GHR: variants seen among roughly 807,000 people sequenced by gnomAD.
GHR encodes growth hormone receptor, also known as GH receptor.
Under a neutral mutation model 67.1 loss-of-function variants are expected in GHR, and 35 were observed. The observed-to-expected ratio is 0.52, with a 90% CI of 0.40 to 0.69. The LOEUF (loss-of-function observed/expected upper bound fraction) is 0.69. GHR is among the 30% of genes least tolerant of loss of function. GHR has a pLI of 0.00. For synonymous variants in GHR, 272 were observed against 269.1 expected (o/e 1.01, Z -0.10); for missense variants, 792 against 764.6 (o/e 1.04, Z -0.42).
At chr5:42,644,078 T>A (rs976795231) in intron 3 of GHR, among the ~76,000 whole-genome samples, 1 of 151,986 alleles carries the variant, frequency 6.6e-6, no homozygotes, top group Non-Finnish European at 1.5e-5. Context: ...CAAACTCTAA[T>A]GACATAATAG....
chr5:42,619,665 A>G (rs1316236411), intron 2 of GHR: 1 of 152,108 alleles, frequency 6.6e-6, no homozygotes, highest in African/African-American at 2.4e-5. Context: ...TGAAATACCT[A>G]CTTCCAAGAG....
intron 3 of GHR, among the ~76,000 whole-genome samples, chr5:42,683,646 A>C (rs1412982406): frequency 7.0e-6 from 1 of 142,754 alleles, no homozygotes; most frequent in African/African-American, 2.4e-5. Context: ...AAATTTAAAA[A>C]AGCCGGAAAG....
intron 1 of GHR, among the ~76,000 whole-genome samples, chr5:42,453,579 G>A (rs1289991245): frequency 6.6e-6 from 1 of 152,176 alleles, no homozygotes; most frequent in African/African-American, 2.4e-5. Context: ...TCCTGTCCTA[G>A]CATTTCAGCT....
At chr5:42,516,730 A>C (rs1747254366) in intron 1 of GHR, among the ~76,000 whole-genome samples, 2 of 152,134 alleles carry the variant, frequency 1.3e-5, no homozygotes, top group African/African-American at 4.8e-5. Flanking sequence ...GGCTTTGGAG[A>C]GCCTTGGAGC....
chr5:42,719,101 A>G lies in GHR; in HGVS notation c.1594A>G (p.Asn532Asp), dbSNP rs1335137005. 2 of 1,614,086 alleles carry G rather than the reference A, an allele frequency of 1.2e-6. No homozygotes were observed. Among genetic ancestry groups the G allele is most frequent in the Non-Finnish European group, 1.7e-6 (2 of 1,179,936 alleles). Reference protein sequence around the residue: ...SLCQENFLMDNAYFCEADAKK... With the variant: ...SLCQENFLMDDAYFCEADAKK... Reference sequence around the variant, plus strand: ...CTGCCAAGAAAACTTCCTTATGGACAATGCCTACTTCTGTGAGGCAGATGC... The same window carrying G: ...CTGCCAAGAAAACTTCCTTATGGACGATGCCTACTTCTGTGAGGCAGATGC... The change falls in exon 10 of 10, where the codon AAT becomes GAT. Residue 532 changes from asparagine to aspartate, a missense_variant. Physicochemically the swap from Asn to Asp is conservative, Grantham distance 23 (BLOSUM62 1). Coordinates refer to ENST00000230882, the MANE Select transcript of GHR (RefSeq NM_000163.5).
At chr5:42,466,129 G>C in intron 1 of GHR, 1 of 313,182 alleles carries the variant, frequency 3.2e-6, no homozygotes, top group South Asian at 3.7e-5. Flanking sequence ...AGCTTGAGTT[G>C]TGTGGAGGAG....
intron 1 of GHR, among the ~76,000 whole-genome samples, chr5:42,455,613 T>G (rs576713148): frequency 1.3e-5 from 2 of 152,374 alleles, no homozygotes; most frequent in East Asian, 3.9e-4. Flanking sequence ...ACCAAGTATT[T>G]ACTGAGGTGC....
chr5:42,430,515 G>A lies in GHR; in HGVS notation c.-12+6560G>A, dbSNP rs974039736. 1.1e-4 allele frequency among the ~76,000 whole-genome samples: 17 copies of A among 152,068 alleles called. 1 individual carries two copies. Among genetic ancestry groups the A allele is most frequent in the Non-Finnish European group, 1.5e-5 (1 of 67,998 alleles). ...AAACCTGTGATATAAACTGACATCT[G>A]AGCCTACCAAAAGCCCTTTGAGAGA... On this transcript the variant is annotated intron_variant, in intron 1 of 9. Coordinates refer to ENST00000230882, the MANE Select transcript of GHR (RefSeq NM_000163.5).
At chr5:42,437,990 G>A (rs540326958) in intron 1 of GHR, among the ~76,000 whole-genome samples, 104 of 151,934 alleles carry the variant, frequency 6.8e-4, no homozygotes, top group African/African-American at 2.4e-3. Flanking sequence ...AAAAAAAATC[G>A]CATTAGCTTT....
intron 1 of GHR, among the ~76,000 whole-genome samples, chr5:42,438,692 C>G (rs1743440524): frequency 1.3e-5 from 2 of 152,126 alleles, no homozygotes; most frequent in South Asian, 4.1e-4. Flanking sequence ...AAACTGAAGC[C>G]TCTTGACCAC....
chr5:42,525,492 AG>A (rs1747668494), intron 1 of GHR, among the ~76,000 whole-genome samples: 1 of 152,244 alleles, frequency 6.6e-6, no homozygotes, highest in Non-Finnish European at 1.5e-5. Flanking sequence ...GCTTATAGGC[AG>A]AAAAGATTTG....
chr5:42,540,605 C>A (rs747306198), intron 1 of GHR, among the ~76,000 whole-genome samples: 1 of 152,170 alleles, frequency 6.6e-6, no homozygotes, highest in Non-Finnish European at 1.5e-5. Flanking sequence ...GAGCTTCACT[C>A]CCCCTTCCTG....
At chr5:42,499,658 C>T (rs1746457492) in intron 1 of GHR, among the ~76,000 whole-genome samples, 1 of 152,132 alleles carries the variant, frequency 6.6e-6, no homozygotes, top group African/African-American at 2.4e-5. Context: ...CTGAATCCCC[C>T]TTGCTTGGTC....
chr5:42,668,891 A>G (rs1756132363), intron 3 of GHR, among the ~76,000 whole-genome samples: 2 of 152,216 alleles, frequency 1.3e-5, no homozygotes, highest in South Asian at 4.1e-4. Flanking sequence ...TGATAAACAC[A>G]TCATAAAGTT....
At chr5:42,645,617 A>G (rs984581096) in intron 3 of GHR, among the ~76,000 whole-genome samples, 1 of 152,200 alleles carries the variant, frequency 6.6e-6, no homozygotes, top group Non-Finnish European at 1.5e-5. Context: ...AGGCCCAGAG[A>G]GAACATTTGA....
intron 2 of GHR, among the ~76,000 whole-genome samples, chr5:42,612,458 A>G (rs1468491636): frequency 6.6e-6 from 1 of 152,130 alleles, no homozygotes; most frequent in Admixed American, 6.5e-5. Flanking sequence ...GCAGTTAGTT[A>G]CCACTGGCTT....
intron 1 of GHR, among the ~76,000 whole-genome samples, chr5:42,463,181 G>A (rs1284689343): frequency 6.6e-6 from 1 of 152,104 alleles, no homozygotes; most frequent in African/African-American, 2.4e-5. Flanking sequence ...TAAATAAGGA[G>A]TCCTGGTGAA....
At chr5:42,601,735 A>G (rs1247958108) in intron 2 of GHR, among the ~76,000 whole-genome samples, 1 of 152,062 alleles carries the variant, frequency 6.6e-6, no homozygotes, top group Non-Finnish European at 1.5e-5. Context: ...ATAGAATATG[A>G]TTGCCCTTTG....
intron 3 of GHR, among the ~76,000 whole-genome samples, chr5:42,675,298 T>G (rs1756516176): frequency 6.6e-6 from 1 of 152,240 alleles, no homozygotes; most frequent in South Asian, 2.1e-4. Flanking sequence ...AAAATCTTGT[T>G]GCTGTATCTG....
Sources: gnomAD v4.1 joint callset for allele counts (sites outside exome capture counted in the v4.1 genomes callset) on GRCh38, gnomAD v4.1.1 for gene constraint, MANE v1.5 for transcripts, NCBI Gene and HGNC (gene_info 2026-07-23, HGNC 2026-07-21) for gene names.